The following SPON1 variants were observed in gnomAD, a reference collection of about 807,000 sequenced individuals.
SPON1 encodes the protein spondin-1.
In SPON1, 52 loss-of-function variants were observed where a neutral mutation model predicts 111.7. That is an observed-to-expected ratio of 0.47 (90% CI 0.37 to 0.59). SPON1 has a LOEUF of 0.59. SPON1 is among the 20% of genes least tolerant of loss of function. The pLI is 0.00. For missense variants in SPON1, 957 were observed against 1,068.5 expected, an observed-to-expected ratio of 0.90 and a Z score of 1.46; for synonymous variants, 410 against 395.8, an observed-to-expected ratio of 1.04 and a Z score of -0.43.
intron 5 of SPON1, among the ~76,000 whole-genome samples, chr11:14,128,382 A>G (rs1426340114): frequency 1.3e-5 from 2 of 152,220 alleles, no homozygotes; most frequent in African/African-American, 2.4e-5. Flanking sequence ...TGCAAATCCA[A>G]AACCCAAGGC....
At chr11:14,150,221 T>C (rs1847770794) in intron 6 of SPON1, among the ~76,000 whole-genome samples, 1 of 152,042 alleles carries the variant, frequency 6.6e-6, no homozygotes, top group Non-Finnish European at 1.5e-5. Context: ...AAGCCAGGCA[T>C]GGAAAGATAA....
rs528666062 is a variant in SPON1 at position 14,128,869 on chromosome 11, C to A, written c.677-6551C>A. On this transcript the variant is annotated intron_variant, in intron 5 of 15. Coordinates refer to ENST00000576479, the MANE Select transcript of SPON1 (RefSeq NM_006108.4). Reference sequence around the variant, plus strand: ...ACAGACCCCCAACACCACGTAGAAGCAGCCAAGGCTTGGGGCTTGCACCCT... The same window carrying A: ...ACAGACCCCCAACACCACGTAGAAGAAGCCAAGGCTTGGGGCTTGCACCCT... Among the ~76,000 whole-genome samples the A allele has an allele frequency of 1.5e-4, 23 of 152,386 alleles. No individual in the cohort carries two copies. In the East Asian group the frequency reaches 3.9e-3, roughly 26 times the overall value.
At chr11:14,165,098 A>G (rs983712759) in intron 6 of SPON1, among the ~76,000 whole-genome samples, 1 of 152,204 alleles carries the variant, frequency 6.6e-6, no homozygotes. Flanking sequence ...GGCAAGAAGG[A>G]GACCTGCTTT....
At chr11:14,060,695 C>G (rs956737215) in intron 3 of SPON1, among the ~76,000 whole-genome samples, 8 of 152,296 alleles carry the variant, frequency 5.3e-5, no homozygotes, top group African/African-American at 1.9e-4. Context: ...AATGAGCAAC[C>G]AGGGCTGCAA....
chr11:13,991,407 T>C (rs1490557758), intron 2 of SPON1, among the ~76,000 whole-genome samples: 1 of 152,218 alleles, frequency 6.6e-6, no homozygotes, highest in Non-Finnish European at 1.5e-5. Flanking sequence ...GTTCTCGTAC[T>C]GTATTTTTCA....
At chr11:14,208,223 G>T (rs1554936372) in intron 6 of SPON1, among the ~76,000 whole-genome samples, 1 of 152,170 alleles carries the variant, frequency 6.6e-6, no homozygotes. Context: ...GGTGGGAGGA[G>T]GGAGAGTATC....
chr11:14,066,596 C>T (rs186341822), intron 3 of SPON1, among the ~76,000 whole-genome samples: 130 of 152,274 alleles, frequency 8.5e-4, no homozygotes, highest in African/African-American at 2.9e-3. Flanking sequence ...TAAGGATTTC[C>T]GCTCTTTCCT....
Position 14,008,812 on chromosome 11 carries a change from G to A in SPON1, c.345+25859G>A, listed in dbSNP as rs201738652. ...GATAAGGTCCTTCCCTTCAGCTCAA[G>A]TTTTAAAACTCTTCCTTCAGGAATT... On this transcript the variant is annotated intron_variant, in intron 2 of 15. Coordinates refer to ENST00000576479, the MANE Select transcript of SPON1 (RefSeq NM_006108.4). 3.3e-5 allele frequency among the ~76,000 whole-genome samples: 5 copies of A among 152,186 alleles called. No individual in the cohort carries two copies. In the East Asian group the frequency reaches 9.7e-4, roughly 29 times the overall value.
chr11:14,239,815 T>C (rs904885504), intron 6 of SPON1, among the ~76,000 whole-genome samples: 1 of 152,240 alleles, frequency 6.6e-6, no homozygotes, highest in Admixed American at 6.5e-5. Flanking sequence ...TCAACTATGC[T>C]ACTTTCCTGC....
At chr11:14,128,302 A>G (rs570034579) in intron 5 of SPON1, among the ~76,000 whole-genome samples, 2 of 152,258 alleles carry the variant, frequency 1.3e-5, no homozygotes, top group Non-Finnish European at 2.9e-5. Flanking sequence ...AAATGAGGAT[A>G]CAGGAATTGG....
At chr11:14,179,270 C>A (rs1291226091) in intron 6 of SPON1, among the ~76,000 whole-genome samples, 1 of 152,160 alleles carries the variant, frequency 6.6e-6, no homozygotes, top group East Asian at 1.9e-4. Context: ...TATGACACAG[C>A]ATTTTGCCAT....
At position 14,056,948 on chromosome 11, in the gene SPON1, C is replaced by G. The variant is rs543188698; in HGVS notation, c.479+15294C>G. 3.3e-5 allele frequency among the ~76,000 whole-genome samples: 5 copies of G among 152,116 alleles called. No individual in the cohort carries two copies. The South Asian group carries it at 1.0e-3, about 32-fold the overall frequency. ...TATAACATCAAGACAGGAGGAAGATCTAAAGCATGCTAAGGGCTCTAAATT... is the reference window on the plus strand; with the variant it reads ...TATAACATCAAGACAGGAGGAAGATGTAAAGCATGCTAAGGGCTCTAAATT... On this transcript the variant is annotated intron_variant, in intron 3 of 15. Coordinates refer to ENST00000576479, the MANE Select transcript of SPON1 (RefSeq NM_006108.4).
intron 2 of SPON1, among the ~76,000 whole-genome samples, chr11:13,993,272 G>A (rs575262154): frequency 6.6e-6 from 1 of 151,864 alleles, no homozygotes; most frequent in Non-Finnish European, 1.5e-5. Context: ...CGAGGAGAAG[G>A]GGGTGGGGCT....
At chr11:14,105,818 T>C (rs1256442208) in intron 5 of SPON1, among the ~76,000 whole-genome samples, 4 of 152,180 alleles carry the variant, frequency 2.6e-5, no homozygotes, top group Non-Finnish European at 4.4e-5. Context: ...GTCCAAAAAC[T>C]TTATTTCTTG....
At chr11:14,184,038 A>G (rs1554933889) in intron 6 of SPON1, among the ~76,000 whole-genome samples, 1 of 152,218 alleles carries the variant, frequency 6.6e-6, no homozygotes, top group Non-Finnish European at 1.5e-5. Flanking sequence ...TATGGATCAG[A>G]TGGGATAGTA....
At chr11:14,226,583 C>T (rs1848742082) in intron 6 of SPON1, among the ~76,000 whole-genome samples, 1 of 152,160 alleles carries the variant, frequency 6.6e-6, no homozygotes, top group Admixed American at 6.5e-5. Context: ...ATATAGCTTT[C>T]ACATCATCAT....
At chr11:14,239,523 T>G (rs931887560) in intron 6 of SPON1, among the ~76,000 whole-genome samples, 2 of 152,058 alleles carry the variant, frequency 1.3e-5, no homozygotes, top group Non-Finnish European at 2.9e-5. Flanking sequence ...CTCAGGAGTT[T>G]AAGACCAACA....
chr11:13,972,921 C>T (rs1484104653), intron 1 of SPON1, among the ~76,000 whole-genome samples: 1 of 152,132 alleles, frequency 6.6e-6, no homozygotes, highest in African/African-American at 2.4e-5. Flanking sequence ...GGTCTAGTGA[C>T]TCAAATGGGG....
At chr11:14,127,014 A>G (rs1452279330) in intron 5 of SPON1, among the ~76,000 whole-genome samples, 2 of 152,002 alleles carry the variant, frequency 1.3e-5, no homozygotes, top group East Asian at 1.9e-4. Context: ...CCCCTCCCCA[A>G]TCACCCAATC....
Sources: gnomAD v4.1 joint callset for allele counts (sites outside exome capture counted in the v4.1 genomes callset) on GRCh38, gnomAD v4.1.1 for gene constraint, MANE v1.5 for transcripts, NCBI Gene and HGNC (gene_info 2026-07-23, HGNC 2026-07-21) for gene names.